Variants in APP observed in about 807,000 individuals in gnomAD.
APP encodes amyloid-beta precursor protein.
A neutral mutation model predicts 101.4 loss-of-function variants in APP; 31 were observed. The ratio of observed to expected loss-of-function variants is 0.31; its 90% CI spans 0.23 to 0.41. The LOEUF (loss-of-function observed/expected upper bound fraction) is 0.41, where lower values mean the gene tolerates loss of function less well. APP is among the 10% of genes least tolerant of loss of function. APP has a pLI of 1.00. For missense variants in APP, 839 were observed against 1,003.7 expected, an observed-to-expected ratio of 0.84 and a Z score of 2.22; for synonymous variants, 366 against 364.4, an observed-to-expected ratio of 1.00 and a Z score of -0.05.
chr21:26,087,683 A>G (rs1278687623), intron 3 of APP, among the ~76,000 whole-genome samples: 3 of 152,174 alleles, frequency 2.0e-5, no homozygotes, highest in Admixed American at 6.5e-5. Context: ...CTGGGTAATT[A>G]TCTGTCAGTG....
At chr21:26,081,859 G>A (rs773531302) in intron 3 of APP, among the ~76,000 whole-genome samples, 1 of 152,166 alleles carries the variant, frequency 6.6e-6, no homozygotes, top group Non-Finnish European at 1.5e-5. Flanking sequence ...AATATGCCCT[G>A]AGTTATTGTA....
At chr21:26,118,784 C>T (rs2062494861) in intron 1 of APP, among the ~76,000 whole-genome samples, 1 of 152,064 alleles carries the variant, frequency 6.6e-6, no homozygotes, top group South Asian at 2.1e-4. Flanking sequence ...AAGTGATCTG[C>T]CCGCCTCGGC....
intron 1 of APP, among the ~76,000 whole-genome samples, chr21:26,150,469 T>C (rs531028412): frequency 1.2e-3 from 190 of 152,270 alleles, no homozygotes; most frequent in Non-Finnish European, 2.1e-3. Flanking sequence ...TGAAATGGCA[T>C]ATTTGGGGGT....
intron 1 of APP, among the ~76,000 whole-genome samples, chr21:26,138,070 G>A (rs1032395224): frequency 3.3e-5 from 5 of 152,150 alleles, no homozygotes; most frequent in Non-Finnish European, 5.9e-5. Context: ...ACCAAAACAT[G>A]TACTAATATC....
At chr21:25,983,644 A>G (rs9305272) in intron 8 of APP, among the ~76,000 whole-genome samples, 52,496 of 152,130 alleles carry the variant, frequency 0.35, 10,680 homozygotes, top group African/African-American at 0.54. Flanking sequence ...TCATTTTAAA[A>G]AGAAACATTC....
intron 3 of APP, among the ~76,000 whole-genome samples, chr21:26,079,319 C>G (rs762648734): frequency 6.6e-6 from 1 of 152,068 alleles, no homozygotes; most frequent in South Asian, 2.1e-4. Context: ...GAAAATTCCA[C>G]GACAATAAAC....
intron 6 of APP, among the ~76,000 whole-genome samples, chr21:26,021,336 C>G (rs1568867253): frequency 6.6e-6 from 1 of 152,170 alleles, no homozygotes; most frequent in Non-Finnish European, 1.5e-5. Context: ...GTGTGAGGCA[C>G]TGTGCCTGGC....
intron 5 of APP, among the ~76,000 whole-genome samples, chr21:26,045,620 T>A (rs568585589): frequency 6.6e-6 from 1 of 152,202 alleles, no homozygotes; most frequent in Non-Finnish European, 1.5e-5. Context: ...AATAATAATA[T>A]AAACGGCCCA....
intron 1 of APP, among the ~76,000 whole-genome samples, chr21:26,138,389 G>A (rs1186036147): frequency 6.6e-6 from 1 of 151,946 alleles, no homozygotes; most frequent in African/African-American, 2.4e-5. Flanking sequence ...ATTAAACTAA[G>A]GGACTGAAAC....
At chr21:25,996,275 C>T (rs1175603439) in intron 8 of APP, among the ~76,000 whole-genome samples, 1 of 152,130 alleles carries the variant, frequency 6.6e-6, no homozygotes, top group African/African-American at 2.4e-5. Context: ...TCTAACCTAC[C>T]ATTATGCCTT....
intron 13 of APP, among the ~76,000 whole-genome samples, chr21:25,952,185 C>T (rs2041105975): frequency 1.4e-5 from 2 of 139,120 alleles, no homozygotes; most frequent in South Asian, 4.9e-4. Context: ...GAGCATATTA[C>T]ATACATACAC....
intron 3 of APP, among the ~76,000 whole-genome samples, chr21:26,057,635 G>A (rs1387809799): frequency 3.9e-5 from 6 of 152,094 alleles, no homozygotes; most frequent in Non-Finnish European, 7.4e-5. Context: ...GCTCTTTGGT[G>A]GTCTTTGGGA....
chr21:26,141,717 C>T (rs577084644), intron 1 of APP, among the ~76,000 whole-genome samples: 3 of 152,282 alleles, frequency 2.0e-5, no homozygotes, highest in Non-Finnish European at 2.9e-5. Context: ...ATTTCTTTTA[C>T]GCCTCACAAC....
intron 2 of APP, among the ~76,000 whole-genome samples, chr21:26,093,957 T>C (rs1298146399): frequency 6.6e-6 from 1 of 151,766 alleles, no homozygotes; most frequent in Non-Finnish European, 1.5e-5. Context: ...CTACTAAAAA[T>C]ACAAAAATTA....
chr21:26,126,775 C>T (rs574475521), intron 1 of APP, among the ~76,000 whole-genome samples: 1 of 152,230 alleles, frequency 6.6e-6, no homozygotes, highest in South Asian at 2.1e-4. Context: ...AAACTCCAAC[C>T]TAAGCCTTTA....
At chr21:26,163,531 T>A (rs181788673) in intron 1 of APP, among the ~76,000 whole-genome samples, 32 of 152,314 alleles carry the variant, frequency 2.1e-4, no homozygotes, top group African/African-American at 7.5e-4. Flanking sequence ...TCATGAACCC[T>A]CCACTCCTGC....
At chr21:26,060,165 A>G (rs1387853608) in intron 3 of APP, among the ~76,000 whole-genome samples, 1 of 152,170 alleles carries the variant, frequency 6.6e-6, no homozygotes, top group Non-Finnish European at 1.5e-5. Flanking sequence ...ATCATTCACT[A>G]ATCACCTATT....
intron 13 of APP, among the ~76,000 whole-genome samples, chr21:25,938,478 A>G (rs1278066143): frequency 6.6e-6 from 1 of 152,120 alleles, no homozygotes; most frequent in East Asian, 1.9e-4. Context: ...CAAGACAAAT[A>G]TAACAAGTTT....
At chr21:25,969,789 C>T (rs1238515394) in intron 11 of APP, among the ~76,000 whole-genome samples, 4 of 143,476 alleles carry the variant, frequency 2.8e-5, no homozygotes, top group African/African-American at 1.1e-4. Context: ...CAGTGAGCTA[C>T]GACTGGACCA....
Sources: allele counts gnomAD v4.1 joint callset (sites outside exome capture counted in the v4.1 genomes callset), GRCh38; gene constraint gnomAD v4.1.1; transcripts MANE v1.5; gene names NCBI Gene and HGNC (gene_info 2026-07-23, HGNC 2026-07-21).